Variants in CLVS1 observed in about 807,000 individuals in gnomAD.
The protein encoded by CLVS1 is clavesin-1.
In CLVS1, 10 loss-of-function variants were observed where a neutral mutation model predicts 33.1. The observed-to-expected ratio is 0.30, with a 90% CI of 0.19 to 0.51. The LOEUF (loss-of-function observed/expected upper bound fraction) is 0.51, where lower values mean the gene tolerates loss of function less well. CLVS1 is among the 20% of genes least tolerant of loss of function. The probability of loss-of-function intolerance (pLI) is 0.97; values close to 1 mark genes in which losing one functional copy is unlikely to be tolerated. For missense variants in CLVS1, 343 were observed against 433.4 expected (o/e 0.79, Z 1.85); for synonymous variants, 163 against 166.1 (o/e 0.98, Z 0.14).
chr8:61,139,979 C>T (rs1008967468), intron 2 of CLVS1, among the ~76,000 whole-genome samples: 3 of 152,152 alleles, frequency 2.0e-5, no homozygotes, highest in African/African-American at 4.8e-5. Flanking sequence ...GTTCCAGAGT[C>T]TGAACTGGCC....
At chr8:61,023,930 T>C in the CLVS1 span, among the ~76,000 whole-genome samples, 1 of 152,216 alleles carries the variant, frequency 6.6e-6, no homozygotes, top group South Asian at 2.1e-4. Context: ...GCTGCAAAGC[T>C]GACACGTGTG....
chr8:60,984,782 A>G, the CLVS1 span, among the ~76,000 whole-genome samples: 1 of 152,140 alleles, frequency 6.6e-6, no homozygotes, highest in Non-Finnish European at 1.5e-5. Context: ...TGCTATTTTT[A>G]TTTTCTTCTT....
Position 61,499,441 on chromosome 8 carries a change from TC to T in CLVS1, c.978-10del. Reference sequence around the variant, plus strand: ...TTGTTTGTAATTCTGTCTTTTTCCCTCCCCTCTTGTTAGATCTCAGTCTGTG... The same window carrying T: ...TTGTTTGTAATTCTGTCTTTTTCCCTCCCTCTTGTTAGATCTCAGTCTGTG... On this transcript the variant is annotated splice_polypyrimidine_tract_variant and intron_variant, in intron 5 of 5. Coordinates refer to ENST00000325897, the MANE Select transcript of CLVS1 (RefSeq NM_173519.3). 6.3e-7 allele frequency: 1 copy of T among 1,588,860 alleles called. No homozygotes were observed. The highest frequency in any genetic ancestry group is 8.6e-7 in the Non-Finnish European group (1 of 1,157,210).
intron 2 of CLVS1, among the ~76,000 whole-genome samples, chr8:61,254,918 C>T (rs1199410107): frequency 6.6e-6 from 1 of 152,184 alleles, no homozygotes; most frequent in East Asian, 1.9e-4. Context: ...GTGCACTGCA[C>T]CCACTCTCCG....
chr8:61,080,151 G>A (rs544205289), intron 1 of CLVS1, among the ~76,000 whole-genome samples: 116 of 152,266 alleles, frequency 7.6e-4, no homozygotes, highest in African/African-American at 2.6e-3. Context: ...AACATTTGTG[G>A]TGGTCACTAT....
chr8:61,088,487 C>CAAAAAAA (rs59394782), intron 1 of CLVS1, among the ~76,000 whole-genome samples: 5,195 of 104,446 alleles, frequency 0.05, 484 homozygotes, highest in African/African-American at 0.16. Context: ...GAGACTGTCT[C>CAAAAAAA]AAAAAAAAAA....
intron 2 of CLVS1, among the ~76,000 whole-genome samples, chr8:61,145,607 A>G (rs1200926354): frequency 6.6e-6 from 1 of 152,180 alleles, no homozygotes; most frequent in Non-Finnish European, 1.5e-5. Flanking sequence ...TCTGCTGTGC[A>G]GAAGCTTTTT....
chr8:61,490,038 G>T (rs1290078830), intron 5 of CLVS1, among the ~76,000 whole-genome samples: 1 of 152,156 alleles, frequency 6.6e-6, no homozygotes, highest in Admixed American at 6.5e-5. Flanking sequence ...AAGTCAGGCT[G>T]GGCACAGTGG....
chr8:61,068,805 A>C (rs1046617001), intron 1 of CLVS1, among the ~76,000 whole-genome samples: 9 of 151,884 alleles, frequency 5.9e-5, no homozygotes, highest in Admixed American at 1.3e-4. Context: ...TCTGCTCCCC[A>C]CACACACACC....
chr8:61,422,710 TC>T (rs771482199), intron 3 of CLVS1, among the ~76,000 whole-genome samples: 1 of 152,162 alleles, frequency 6.6e-6, no homozygotes, highest in Non-Finnish European at 1.5e-5. Flanking sequence ...AAGTATGAAA[TC>T]ACTTTTGAAA....
intron 2 of CLVS1, among the ~76,000 whole-genome samples, chr8:61,163,513 G>A (rs986967244): frequency 3.3e-5 from 5 of 152,204 alleles, no homozygotes; most frequent in Non-Finnish European, 5.9e-5. Flanking sequence ...GTTGCCTTAT[G>A]TGTATTTGTT....
intron 3 of CLVS1, among the ~76,000 whole-genome samples, chr8:61,384,299 G>A (rs1479182913): frequency 6.6e-6 from 1 of 152,212 alleles, no homozygotes; most frequent in East Asian, 1.9e-4. Flanking sequence ...TGGACATATG[G>A]AAGCAAGATG....
intron 2 of CLVS1, among the ~76,000 whole-genome samples, chr8:61,320,913 T>C (rs1811172073): frequency 6.6e-6 from 1 of 152,196 alleles, no homozygotes; most frequent in Non-Finnish European, 1.5e-5. Flanking sequence ...TACTAGTTTT[T>C]CCTTTACTTA....
At chr8:61,435,769 A>G (rs1816309106) in intron 3 of CLVS1, among the ~76,000 whole-genome samples, 1 of 152,202 alleles carries the variant, frequency 6.6e-6, no homozygotes, top group African/African-American at 2.4e-5. Flanking sequence ...GGAATATAAA[A>G]TAAAGGCAGA....
the CLVS1 span, among the ~76,000 whole-genome samples, chr8:60,969,613 G>GGGTCA: frequency 6.6e-6 from 1 of 152,132 alleles, no homozygotes; most frequent in Non-Finnish European, 1.5e-5. Context: ...GGCCAAGAGG[G>GGGTCA]GGTCAGTTCA....
intron 2 of CLVS1, among the ~76,000 whole-genome samples, chr8:61,197,989 C>G (rs1807651208): frequency 2.0e-5 from 3 of 152,212 alleles, no homozygotes; most frequent in Admixed American, 6.5e-5. Flanking sequence ...GTCTCTCTGA[C>G]CCTCCTCAAT....
chr8:61,366,179 C>A (rs1286165101), intron 2 of CLVS1, among the ~76,000 whole-genome samples: 2 of 151,876 alleles, frequency 1.3e-5, no homozygotes, highest in Non-Finnish European at 2.9e-5. Flanking sequence ...CTCTATGGGC[C>A]CTGGTGCAAT....
the CLVS1 span, among the ~76,000 whole-genome samples, chr8:61,044,235 C>T: frequency 1.3e-5 from 2 of 152,180 alleles, no homozygotes; most frequent in East Asian, 3.8e-4. Context: ...AGCATAGAAC[C>T]TGTGGTTCTG....
At chr8:61,189,822 ACTAT>A (rs1807430786) in intron 2 of CLVS1, among the ~76,000 whole-genome samples, 1 of 152,236 alleles carries the variant, frequency 6.6e-6, no homozygotes, top group Non-Finnish European at 1.5e-5. Flanking sequence ...AGAAGAGCTA[ACTAT>A]CCTAAATATC....
Sources: gnomAD v4.1 joint callset for allele counts (sites outside exome capture counted in the v4.1 genomes callset) on GRCh38, gnomAD v4.1.1 for gene constraint, MANE v1.5 for transcripts, NCBI Gene and HGNC (gene_info 2026-07-23, HGNC 2026-07-21) for gene names.